The following INO80 variants were observed in gnomAD, a reference collection of about 807,000 sequenced individuals.
INO80 encodes chromatin-remodeling ATPase INO80.
A neutral mutation model predicts 203.4 loss-of-function variants in INO80; 20 were observed. That is an observed-to-expected ratio of 0.10 (90% CI 0.07 to 0.14). The LOEUF (loss-of-function observed/expected upper bound fraction) is 0.14. Ranked by LOEUF, INO80 falls within the 10% of genes least tolerant of loss-of-function variation. The pLI, the probability that INO80 is intolerant of heterozygous loss-of-function variation, is 1.00. For synonymous variants in INO80, 726 were observed against 685.2 expected, an observed-to-expected ratio of 1.06 and a Z score of -0.93; for missense variants, 1,419 against 1,914.4, an observed-to-expected ratio of 0.74 and a Z score of 4.83.
intron 6 of INO80, among the ~76,000 whole-genome samples, chr15:41,085,848 C>T (rs780833743): frequency 1.3e-5 from 2 of 152,064 alleles, no homozygotes; most frequent in Non-Finnish European, 2.9e-5. Context: ...GAATAAAACC[C>T]GAGAACCAAA....
At position 41,016,042 on chromosome 15, in the gene INO80, A is replaced by C. The variant is rs757453930; in HGVS notation, c.3402+46T>G. 6 of 1,531,870 alleles carry C rather than the reference A, an allele frequency of 3.9e-6. No individual in the cohort carries two copies. The Admixed American group carries it at 1.0e-4, about 27-fold the overall frequency. The allele number at this position is 1,531,870 out of a possible 1,614,324, so 94.9% of individuals were successfully genotyped here. A position where few individuals can be genotyped will look rare whatever the true frequency, so the allele number is the denominator to read the frequency against. The stretch of plus-strand genomic sequence containing the variant: ...TAGTCATGGACATCTGATTCCTACA[A>C]ATTAAATGTCAAGGTATCCTAGGTC... On this transcript the variant is annotated intron_variant, in intron 27 of 35. Transcript: ENST00000648947.
At chr15:41,090,267 G>A (rs2045615345) in intron 5 of INO80, among the ~76,000 whole-genome samples, 1 of 152,160 alleles carries the variant, frequency 6.6e-6, no homozygotes, top group Admixed American at 6.6e-5. Flanking sequence ...TCTAGAATGG[G>A]CACATTTATA....
chr15:41,032,249 G>A (rs1489975568), intron 24 of INO80, among the ~76,000 whole-genome samples: 1 of 152,162 alleles, frequency 6.6e-6, no homozygotes, highest in African/African-American at 2.4e-5. Flanking sequence ...CTCAAAATTA[G>A]CTTTCTACAT....
chr15:41,012,563 A>AAAAAAAAAG (rs748935491), intron 27 of INO80, among the ~76,000 whole-genome samples: 1 of 149,244 alleles, frequency 6.7e-6, no homozygotes, highest in Non-Finnish European at 1.5e-5. Context: ...ACTCTTTTTA[A>AAAAAAAAAG]AAAAAAAAAA....
intron 22 of INO80, among the ~76,000 whole-genome samples, chr15:41,047,787 A>G (rs1182872316): frequency 1.3e-5 from 2 of 152,194 alleles, no homozygotes; most frequent in African/African-American, 2.4e-5. Flanking sequence ...TCTTTGTCCA[A>G]TGCTAGGAAA....
chr15:40,979,870 G>C lies in INO80; in HGVS notation c.*353C>G, dbSNP rs577754687. 1.3e-5 allele frequency: 4 copies of C among 302,180 alleles called. No homozygotes were observed. The highest frequency in any genetic ancestry group is 1.1e-4 in the South Asian group (3 of 26,608). 18.7% of individuals were successfully genotyped at this position (302,180 alleles called of 1,614,324 possible). The stretch of plus-strand genomic sequence containing the variant: ...CCTGCGGAGACTTTGCAAGGGACGT[G>C]TCAGAGCCGAAGAGTGGAATCGGGA... On this transcript the variant is annotated 3_prime_UTR_variant, in exon 36 of 36. Coordinates refer to ENST00000648947, the MANE Select transcript of INO80 (RefSeq NM_017553.3).
At chr15:41,082,737 A>G (rs2045503930) in intron 7 of INO80, among the ~76,000 whole-genome samples, 1 of 152,076 alleles carries the variant, frequency 6.6e-6, no homozygotes, top group African/African-American at 2.4e-5. Context: ...AAACAGAATT[A>G]GCTCAGTGTG....
At chr15:41,036,156 GAAAAAAAAAAAAA>G (rs369185302) in intron 24 of INO80, among the ~76,000 whole-genome samples, 6 of 32,140 alleles carry the variant, frequency 1.9e-4, no homozygotes, top group Admixed American at 1.2e-3. Context: ...ACTCTCTCTC[GAAAAAAAAAAAAA>G]AAAAAAAAAA....
intron 4 of INO80, among the ~76,000 whole-genome samples, chr15:41,093,144 C>G (rs956239552): frequency 6.6e-6 from 1 of 151,606 alleles, no homozygotes; most frequent in Admixed American, 6.6e-5. Flanking sequence ...GAGTGACTAC[C>G]GGCCGGGCTC....
chr15:41,052,796 G>A (rs113426183), intron 19 of INO80, among the ~76,000 whole-genome samples: 2 of 150,130 alleles, frequency 1.3e-5, no homozygotes, highest in East Asian at 1.9e-4. Context: ...AGGCCCAGGC[G>A]GGTGAATCCT....
intron 27 of INO80, among the ~76,000 whole-genome samples, chr15:41,008,703 G>C (rs1354713339): frequency 6.6e-6 from 1 of 152,154 alleles, no homozygotes; most frequent in East Asian, 1.9e-4. Context: ...GAAAGGGAAG[G>C]CAAGGCAGTT....
rs560945603 is a variant in INO80 at position 40,986,775 on chromosome 15, G to A, written c.3832+316C>T. On this transcript the variant is annotated intron_variant, in intron 31 of 35. Coordinates refer to ENST00000648947, the MANE Select transcript of INO80 (RefSeq NM_017553.3). ...CAAAGTGCTGGAATTACAGGTGCCCGCTACCATGCCCAACTAATTTTTTGT... is the reference window on the plus strand; with the variant it reads ...CAAAGTGCTGGAATTACAGGTGCCCACTACCATGCCCAACTAATTTTTTGT... 1.5e-3 allele frequency among the ~76,000 whole-genome samples: 224 copies of A among 152,102 alleles called. 1 individual carries two copies. Among genetic ancestry groups the A allele is most frequent in the Admixed American group, 3.7e-3 (56 of 15,278 alleles).
intron 7 of INO80, among the ~76,000 whole-genome samples, chr15:41,082,762 T>C (rs1297638284): frequency 6.6e-6 from 1 of 152,112 alleles, no homozygotes; most frequent in Non-Finnish European, 1.5e-5. Context: ...CACACACTTA[T>C]AGCCCCAGGT....
chr15:40,999,016 ACAC>A (rs2043921208), intron 28 of INO80, among the ~76,000 whole-genome samples: 1 of 151,870 alleles, frequency 6.6e-6, no homozygotes, highest in East Asian at 1.9e-4. Context: ...ACACACACAC[ACAC>A]AAATAAGGGC....
At position 41,071,881 on chromosome 15, in the gene INO80, C is replaced by T. The variant is rs1178071326; in HGVS notation, c.1573G>A (p.Gly525Ser). The change falls in exon 12 of 36, where the codon GGC becomes AGC. Residue 525 changes from glycine (G) to serine (S), a missense_variant. Gly to Ser is a moderately conservative substitution (Grantham distance 56, BLOSUM62 0). This residue lies in a region of INO80 where 192 missense variants were observed against 406.7 expected (regional missense o/e 0.47). Coordinates refer to ENST00000648947, the MANE Select transcript of INO80 (RefSeq NM_017553.3). ...TATAGATTGGCCAACCAATTCATGCCTTTCAGTTGATAACCTTTCAATTTG... is the reference window on the plus strand; with the variant it reads ...TATAGATTGGCCAACCAATTCATGCTTTTCAGTTGATAACCTTTCAATTTG... The part of the protein sequence containing the change: ...NGKLKGYQLK[G>S]MNWLANLYEQ... 4 of 1,613,786 alleles carry T rather than the reference C, an allele frequency of 2.5e-6. No homozygotes were observed. Among genetic ancestry groups the T allele is most frequent in the Non-Finnish European group, 3.4e-6 (4 of 1,179,932 alleles).
chr15:41,076,358 TCAAAACAAAA>T (rs142519612), intron 9 of INO80, among the ~76,000 whole-genome samples: 131 of 151,568 alleles, frequency 8.6e-4, no homozygotes, highest in African/African-American at 2.8e-3. Flanking sequence ...AGACTCTGTC[TCAAAACAAAA>T]CAAAACAAAA....
intron 29 of INO80, among the ~76,000 whole-genome samples, chr15:40,993,448 A>G (rs1235922018): frequency 6.6e-6 from 1 of 151,980 alleles, no homozygotes; most frequent in African/African-American, 2.4e-5. Flanking sequence ...ATCATCTACA[A>G]CCTGATGATT....
At chr15:41,035,796 T>A (rs1401796856) in intron 24 of INO80, among the ~76,000 whole-genome samples, 2 of 97,814 alleles carry the variant, frequency 2.0e-5, no homozygotes, top group African/African-American at 4.0e-5. Context: ...CACTCCAATC[T>A]GGGGGACAGA....
intron 28 of INO80, among the ~76,000 whole-genome samples, chr15:41,005,034 A>C (rs1168596701): frequency 6.6e-6 from 1 of 151,866 alleles, no homozygotes; most frequent in Non-Finnish European, 1.5e-5. Context: ...GTCCCTACTA[A>C]AAATACAAAA....
Sources: gnomAD v4.1 joint callset for allele counts (sites outside exome capture counted in the v4.1 genomes callset) on GRCh38, gnomAD v4.1.1 for gene constraint, gnomAD v4.1.1 regional missense constraint, MANE v1.5 for transcripts, NCBI Gene and HGNC (gene_info 2026-07-23, HGNC 2026-07-21) for gene names.